The following GOLGB1 variants were observed in gnomAD, a reference collection of about 807,000 sequenced individuals.
GOLGB1 encodes golgin B1.
A neutral mutation model predicts 336.9 loss-of-function variants in GOLGB1; 174 were observed. The observed-to-expected ratio is 0.52, with a 90% confidence interval of 0.46 to 0.59. The LOEUF is 0.59. Ranked by LOEUF, GOLGB1 falls within the 20% of genes least tolerant of loss-of-function variation. The probability of loss-of-function intolerance (pLI) is 0.00; values close to 1 mark genes in which losing one functional copy is unlikely to be tolerated. For missense variants in GOLGB1, 3,331 were observed against 3,645.3 expected (o/e 0.91, Z 2.22); for synonymous variants, 1,208 against 1,289.2 (o/e 0.94, Z 1.35).
intron 5 of GOLGB1, among the ~76,000 whole-genome samples, chr3:121,723,837 C>A (rs1157707012): frequency 1.3e-5 from 2 of 152,068 alleles, no homozygotes; most frequent in Non-Finnish European, 2.9e-5. Context: ...AAGCCTCCTT[C>A]CAAATAGAGG....
chr3:121,738,650 C>A (rs565728545), intron 1 of GOLGB1, among the ~76,000 whole-genome samples: 1 of 152,144 alleles, frequency 6.6e-6, no homozygotes, highest in Non-Finnish European at 1.5e-5. Flanking sequence ...CAGGGGCCTA[C>A]GAGGGCTGAA....
At chr3:121,709,336 T>C (rs1011963422) in intron 10 of GOLGB1, among the ~76,000 whole-genome samples, 1 of 152,186 alleles carries the variant, frequency 6.6e-6, no homozygotes, top group Non-Finnish European at 1.5e-5. Flanking sequence ...TAAGTGCTAT[T>C]TGTAGAACAT....
chr3:121,699,953 T>C lies in GOLGB1; in HGVS notation c.1520-68A>G, dbSNP rs574913370. On this transcript the variant is annotated intron_variant, in intron 11 of 21. Transcript: ENST00000614479. ...GTGTGTGAAAAAACAGGATTGCATG[T>C]GAAGCTATTTGAATTGTATGAAATA... 24 of 850,060 alleles carry C rather than the reference T, an allele frequency of 2.8e-5. No homozygotes were observed. The South Asian group carries it at 3.4e-4, about 12-fold the overall frequency. 52.7% of individuals were successfully genotyped at this position (850,060 alleles called of 1,614,324 possible).
chr3:121,747,351 G>A (rs140703127), intron 1 of GOLGB1, among the ~76,000 whole-genome samples: 2 of 135,400 alleles, frequency 1.5e-5, no homozygotes, highest in African/African-American at 3.0e-5. Flanking sequence ...ATATATATGT[G>A]TATATACGTA....
chr3:121,746,010 C>G (rs952977244), intron 1 of GOLGB1, among the ~76,000 whole-genome samples: 2 of 152,200 alleles, frequency 1.3e-5, no homozygotes, highest in Non-Finnish European at 2.9e-5. Flanking sequence ...ACAATATGCA[C>G]AGGAAAATAA....
chr3:121,711,299 G>A (rs1456102270), intron 10 of GOLGB1, among the ~76,000 whole-genome samples: 2 of 151,848 alleles, frequency 1.3e-5, no homozygotes, highest in South Asian at 2.1e-4. Context: ...AAAATTAAGA[G>A]AAAGTTTATT....
Position 121,729,980 on chromosome 3 carries a change from G to T in GOLGB1, c.134C>A (p.Thr45Asn). 6.2e-7 allele frequency: 1 copy of T among 1,611,292 alleles called. No homozygotes were observed. The highest frequency in any genetic ancestry group is 8.5e-7 in the Non-Finnish European group (1 of 1,177,716). The change falls in exon 3 of 22, where the codon ACT becomes AAT. Residue 45 changes from threonine (T) to asparagine (N), a missense_variant. Thr to Asn is a moderately conservative substitution (Grantham distance 65, BLOSUM62 0). Transcript: ENST00000614479. ...GCGCTCCTGAACATCTTCTTGTGTA[G>T]TATTATTAAATTCCATGTCAGATTC... ...HQESDMEFNN[T>N]TQEDVQERLA... is the part of the protein sequence containing the mutation.
intron 1 of GOLGB1, chr3:121,748,978 A>AC: frequency 1.0e-6 from 1 of 963,552 alleles, no homozygotes; most frequent in Non-Finnish European, 1.2e-6. Context: ...GAACTCTCTT[A>AC]GAGGTTCCTT....
chr3:121,668,619 G>C (rs1201403692), intron 18 of GOLGB1: 1 of 149,992 alleles, frequency 6.7e-6, no homozygotes. Context: ...GTTGCAGTGA[G>C]CCGAGATCGT....
At chr3:121,726,628 G>T (rs1175696828) in intron 5 of GOLGB1, among the ~76,000 whole-genome samples, 1 of 151,274 alleles carries the variant, frequency 6.6e-6, no homozygotes, top group East Asian at 1.9e-4. Context: ...AAAATAGAAG[G>T]CCTAAAGTGA....
chr3:121,736,319 G>C (rs953249427), intron 1 of GOLGB1, among the ~76,000 whole-genome samples: 3 of 152,082 alleles, frequency 2.0e-5, no homozygotes, highest in African/African-American at 7.2e-5. Context: ...GGTGAGACTT[G>C]GCAACCACCA....
At chr3:121,733,017 A>T (rs1946219902) in intron 1 of GOLGB1, among the ~76,000 whole-genome samples, 1 of 152,210 alleles carries the variant, frequency 6.6e-6, no homozygotes, top group Admixed American at 6.5e-5. Flanking sequence ...CAGGATACAA[A>T]GTCACTATAT....
intron 17 of GOLGB1, among the ~76,000 whole-genome samples, chr3:121,672,815 G>C (rs1401099037): frequency 6.6e-6 from 1 of 152,186 alleles, no homozygotes; most frequent in African/African-American, 2.4e-5. Context: ...TATGATGAGA[G>C]ATAGGAGTCT....
At position 121,730,928 on chromosome 3, in the gene GOLGB1, T is replaced by C. The variant is rs1446307260; in HGVS notation, c.44A>G (p.Glu15Gly). The change falls in exon 2 of 22, where the codon GAA becomes GGA. Residue 15 changes from glutamate (E) to glycine (G), a missense_variant. Transcript: ENST00000614479. ...LSGLANVVLH[E>G]LSGDDDTDQN... Reference sequence around the variant, plus strand: ...ATCAGTGTCATCATCTCCTGATAATTCATGCAAAACAACATTTGCTAATCC... The same window carrying C: ...ATCAGTGTCATCATCTCCTGATAATCCATGCAAAACAACATTTGCTAATCC... 2 of 1,613,334 alleles carry C rather than the reference T, an allele frequency of 1.2e-6. No individual in the cohort carries two copies. The highest frequency in any genetic ancestry group is 4.5e-5 in the East Asian group (2 of 44,838).
intron 7 of GOLGB1, among the ~76,000 whole-genome samples, chr3:121,719,262 G>C (rs1216362873): frequency 1.3e-5 from 2 of 152,124 alleles, no homozygotes; most frequent in Non-Finnish European, 2.9e-5. Context: ...AAGACTTCAT[G>C]TCTTCAAAAT....
intron 10 of GOLGB1, among the ~76,000 whole-genome samples, chr3:121,705,925 G>A (rs1206215404): frequency 6.6e-6 from 1 of 152,078 alleles, no homozygotes; most frequent in African/African-American, 2.4e-5. Flanking sequence ...GCACTGATTC[G>A]AACCCTCCTA....
At chr3:121,705,133 TA>T (rs1943705231) in intron 10 of GOLGB1, among the ~76,000 whole-genome samples, 1 of 152,224 alleles carries the variant, frequency 6.6e-6, no homozygotes, top group Non-Finnish European at 1.5e-5. Flanking sequence ...TTTGTTAATA[TA>T]ATACATACAA....
In GOLGB1 at chr3:121,704,595, T is replaced by G. The variant is rs142431173; in HGVS notation, c.1405-2000A>C. Among the ~76,000 whole-genome samples the G allele has an allele frequency of 2.0e-3, 305 of 152,110 alleles. 3 individuals are homozygous for G. Among genetic ancestry groups the G allele is most frequent in the African/African-American group, 7.1e-3 (294 of 41,508 alleles). ...GAGTTCAAGACCAGCTTGACCAACA[T>G]GGAGAAACTCCGTCTCTACTAAAAT... On this transcript the variant is annotated intron_variant, in intron 10 of 21. Coordinates refer to ENST00000614479, the MANE Select transcript of GOLGB1 (RefSeq NM_001366282.2).
chr3:121,667,367 CTCAAGA>C (rs768856833), intron 20 of GOLGB1, 103 bp downstream of exon 20: 3 of 1,193,058 alleles, frequency 2.5e-6, no homozygotes, highest in Non-Finnish European at 3.5e-6. Context: ...CAGCAACTAC[CTCAAGA>C]TGAGAAAAAG....
Sources: allele counts gnomAD v4.1 joint callset (sites outside exome capture counted in the v4.1 genomes callset), GRCh38; gene constraint gnomAD v4.1.1; transcripts MANE v1.5; gene names NCBI Gene and HGNC (gene_info 2026-07-23, HGNC 2026-07-21).